TP53BP2: variants seen among roughly 807,000 people sequenced by gnomAD.
TP53BP2 encodes the protein apoptosis-stimulating of p53 protein 2.
Under a neutral mutation model 126.2 loss-of-function variants are expected in TP53BP2, and 62 were observed. That is an observed-to-expected ratio of 0.49 (90% CI 0.40 to 0.61). The LOEUF (loss-of-function observed/expected upper bound fraction) is 0.61, where lower values mean the gene tolerates loss of function less well. Among genes scored for constraint, TP53BP2 ranks in the 20% least tolerant of loss-of-function variants. TP53BP2 has a pLI of 0.00. For synonymous variants in TP53BP2, 485 were observed against 502.9 expected (o/e 0.96, Z 0.48); for missense variants, 1,215 against 1,402.8 (o/e 0.87, Z 2.14).
chr1:223,790,609 CT>C (rs35994805), intron 15 of TP53BP2, among the ~76,000 whole-genome samples: 21,120 of 136,890 alleles, frequency 0.15, 1,782 homozygotes, highest in African/African-American at 0.31. Context: ...TTCCAGATCA[CT>C]TTTTTTTTTT....
chr1:223,825,813 A>C (rs1663476040), intron 1 of TP53BP2: 1 of 152,306 alleles, frequency 6.6e-6, no homozygotes, highest in African/African-American at 2.4e-5. Context: ...TCAAAAAAAT[A>C]AACACCACAA....
chr1:223,802,756 G>A lies in TP53BP2; in HGVS notation c.971C>T (p.Ala324Val). 6.2e-7 allele frequency: 1 copy of A among 1,614,056 alleles called. No individual in the cohort carries two copies. The highest frequency in any genetic ancestry group is 2.2e-5 in the East Asian group (1 of 44,874). Residue 324 changes from alanine (A) to valine (V), a missense_variant, in exon 8 of 18, where the codon GCT (alanine) becomes GTT (valine). Physicochemically the swap from Ala to Val is moderately conservative, Grantham distance 64. This residue lies in a region of TP53BP2 where 814 missense variants were observed against 853.0 expected (regional missense o/e 0.95). Coordinates refer to ENST00000343537, the MANE Select transcript of TP53BP2 (RefSeq NM_001031685.3). ...LRDRLWKKKA[A>V]LQQKENLPVS... ...TGGTAGATTTTCTTTTTGCTGTAGA[G>A]CTGCCTTCTTCTTCCACAGCCGGTC...
At chr1:223,845,622 G>A (rs369609695) in intron 1 of TP53BP2, 32 bp downstream of exon 1, 2 of 1,542,592 alleles carry the variant, frequency 1.3e-6, no homozygotes, top group Non-Finnish European at 1.7e-6. Context: ...GCACACTTCC[G>A]GGCCCGACGC....
chr1:223,813,867 A>C (rs1189457888), intron 3 of TP53BP2, among the ~76,000 whole-genome samples: 2 of 151,546 alleles, frequency 1.3e-5, no homozygotes. Context: ...CCCTCAACTT[A>C]CTCCCACAAA....
At chr1:223,784,784 T>C (rs539282990) in intron 16 of TP53BP2, among the ~76,000 whole-genome samples, 2 of 152,308 alleles carry the variant, frequency 1.3e-5, no homozygotes, top group African/African-American at 4.8e-5. Flanking sequence ...GGAGGCACAA[T>C]GGTCTCTATG....
chr1:223,803,018 C>T, intron 7 of TP53BP2, 123 bp from the exon 8 acceptor site: 2 of 1,062,386 alleles, frequency 1.9e-6, no homozygotes, highest in South Asian at 1.6e-5. Flanking sequence ...CCCCTCCACA[C>T]TTCTCATCTC....
At chr1:223,799,486 A>G (rs1215906182) in intron 11 of TP53BP2, among the ~76,000 whole-genome samples, 2 of 152,184 alleles carry the variant, frequency 1.3e-5, no homozygotes, top group Non-Finnish European at 2.9e-5. Context: ...AATTTCATGC[A>G]ATCTAGACAA....
chr1:223,835,091 T>C (rs1006607898), intron 1 of TP53BP2, among the ~76,000 whole-genome samples: 2 of 152,130 alleles, frequency 1.3e-5, no homozygotes, highest in African/African-American at 4.8e-5. Context: ...GATTCAAAGT[T>C]CCACGAAGAG....
intron 1 of TP53BP2, among the ~76,000 whole-genome samples, chr1:223,830,007 A>C (rs183354587): frequency 6.6e-6 from 1 of 152,332 alleles, no homozygotes. Flanking sequence ...ATAAACTCTA[A>C]AGCATACTTA....
chr1:223,845,452 C>T (rs1664234641), intron 1 of TP53BP2, among the ~76,000 whole-genome samples: 1 of 152,192 alleles, frequency 6.6e-6, no homozygotes, highest in Non-Finnish European at 1.5e-5. Flanking sequence ...TCGCCGCGCC[C>T]CCACGACGGC....
In TP53BP2 at chr1:223,804,075, C is replaced by T. The variant is rs1306901520; in HGVS notation, c.649+99G>A. On this transcript the variant is annotated intron_variant, in intron 6 of 17. Transcript: ENST00000343537. ...GAGGTGGGAGGATCACTTGAGGCCA[C>T]GGTTCAAAAGACCAGCCTGGGCAAC... is the stretch of plus-strand genomic sequence containing the variant. The T allele has an allele frequency of 6.9e-6, 9 of 1,306,052 alleles. No homozygotes were observed. The East Asian group carries it at 7.0e-5, about 10-fold the overall frequency. 80.9% of individuals were successfully genotyped at this position (1,306,052 alleles called of 1,614,324 possible).
intron 1 of TP53BP2, among the ~76,000 whole-genome samples, chr1:223,827,695 C>T (rs6698919): frequency 0.31 from 47,812 of 151,896 alleles, 11,158 homozygotes; most frequent in African/African-American, 0.66. Context: ...ATGGTGTTGA[C>T]AGGAAACTAA....
In TP53BP2 at chr1:223,793,442, T is replaced by C; in HGVS notation, c.2725-2A>G. 6.4e-7 allele frequency: 1 copy of C among 1,568,432 alleles called. No homozygotes were observed. The highest frequency in any genetic ancestry group is 2.0e-5 in the Admixed American group (1 of 50,212). On this transcript the variant is annotated splice_acceptor_variant, in intron 13 of 17. Coordinates refer to ENST00000343537, the MANE Select transcript of TP53BP2 (RefSeq NM_001031685.3). LOFTEE classifies it high-confidence loss of function. Reference sequence around the variant, plus strand: ...TTTACGCAAGTTTGTCCTTTTACCCTGCAAAGAAAATGGGTGGAAAATTTA... The same window carrying C: ...TTTACGCAAGTTTGTCCTTTTACCCCGCAAAGAAAATGGGTGGAAAATTTA...
At chr1:223,839,400 T>TA (rs1664031173) in intron 1 of TP53BP2, among the ~76,000 whole-genome samples, 5 of 152,166 alleles carry the variant, frequency 3.3e-5, no homozygotes, top group Admixed American at 2.6e-4. Context: ...GGAGGGAAGT[T>TA]AGAGTGAAGC....
intron 15 of TP53BP2, among the ~76,000 whole-genome samples, chr1:223,789,431 C>T (rs547055959): frequency 5.9e-5 from 9 of 152,152 alleles, no homozygotes; most frequent in South Asian, 2.1e-4. Context: ...GAATCAAGGA[C>T]GTGAATAAAC....
chr1:223,820,973 G>A, intron 2 of TP53BP2: 1 of 549,868 alleles, frequency 1.8e-6, no homozygotes, highest in Non-Finnish European at 3.2e-6. Flanking sequence ...CCATCCACTG[G>A]ACCACAACAG....
At chr1:223,790,463 C>T (rs1006660563) in intron 15 of TP53BP2, among the ~76,000 whole-genome samples, 7 of 151,866 alleles carry the variant, frequency 4.6e-5, no homozygotes, top group Non-Finnish European at 8.8e-5. Flanking sequence ...GAGGCTGAGA[C>T]GGGAGGCTGC....
chr1:223,821,198 C>G, intron 2 of TP53BP2, 22 bp downstream of exon 2: 1 of 1,613,866 alleles, frequency 6.2e-7, no homozygotes, highest in Non-Finnish European at 8.5e-7. Context: ...AACTAAAGCA[C>G]GAGGCTGTCA....
chr1:223,827,713 T>C (rs1488258346), intron 1 of TP53BP2, among the ~76,000 whole-genome samples: 1 of 152,178 alleles, frequency 6.6e-6, no homozygotes, highest in Non-Finnish European at 1.5e-5. Context: ...TAACTATAGA[T>C]ATAAGTATAT....
Sources: gnomAD v4.1 joint callset for allele counts (sites outside exome capture counted in the v4.1 genomes callset) on GRCh38, gnomAD v4.1.1 for gene constraint, gnomAD v4.1.1 regional missense constraint, MANE v1.5 for transcripts, NCBI Gene and HGNC (gene_info 2026-07-23, HGNC 2026-07-21) for gene names.